Variants in PLEKHA6 observed in about 807,000 individuals in gnomAD.
PLEKHA6 encodes the protein pleckstrin homology domain containing A6.
In PLEKHA6, 60 loss-of-function variants were observed where a neutral mutation model predicts 116.7. The ratio of observed to expected loss-of-function variants is 0.51; its 90% CI spans 0.42 to 0.64. PLEKHA6 has a LOEUF of 0.64. Among genes scored for constraint, PLEKHA6 ranks in the 30% least tolerant of loss-of-function variants. The probability of loss-of-function intolerance (pLI) is 0.00; values close to 1 mark genes in which losing one functional copy is unlikely to be tolerated. For missense variants in PLEKHA6, 1,338 were observed against 1,422.7 expected, an observed-to-expected ratio of 0.94 and a Z score of 0.96; for synonymous variants, 489 against 556.1, an observed-to-expected ratio of 0.88 and a Z score of 1.70.
rs768382723 is a variant in PLEKHA6 at position 204,259,348 on chromosome 1, T to C, written c.917A>G (p.Asp306Gly). The C allele has an allele frequency of 2.5e-6, 4 of 1,614,106 alleles. No individual in the cohort carries two copies. The Admixed American group carries it at 6.7e-5, about 27-fold the overall frequency. ...RRSFPPRTNP[D>G]KIAQRKSSMN... is the part of the protein sequence containing the mutation. ...GGAGCTCTTGCGCTGGGCAATTTTGTCAGGGTTGGTGCGTGGTGGGAAACT... is the reference window on the plus strand; with the variant it reads ...GGAGCTCTTGCGCTGGGCAATTTTGCCAGGGTTGGTGCGTGGTGGGAAACT... Residue 306 changes from aspartate (D) to glycine (G), a missense_variant, in exon 8 of 23, where the codon GAC becomes GGC. Physicochemically the swap from Asp to Gly is moderately conservative, Grantham distance 94 (BLOSUM62 -1). Transcript: ENST00000272203. The surrounding 1 kb of genome is among the most constrained non-coding windows in gnomAD (Gnocchi z 4.6).
intron 2 of PLEKHA6, chr1:204,369,623 A>G (rs1673736422): frequency 6.6e-6 from 1 of 152,232 alleles, no homozygotes; most frequent in African/African-American, 2.4e-5. Flanking sequence ...GAGTGCTTAT[A>G]TTCCCATCCA....
intron 1 of PLEKHA6, among the ~76,000 whole-genome samples, chr1:204,339,065 C>T (rs1460954424): frequency 2.0e-5 from 3 of 152,174 alleles, no homozygotes; most frequent in Non-Finnish European, 2.9e-5. Context: ...ACTTGGGTCT[C>T]CTGGAACGCT....
rs201182114 is a variant in PLEKHA6, at chr1:204,259,567, G to A, written c.698C>T (p.Pro233Leu). 2.3e-5 allele frequency: 37 copies of A among 1,613,906 alleles called. No homozygotes were observed. Among genetic ancestry groups the A allele is most frequent in the Non-Finnish European group, 2.8e-5 (33 of 1,180,036 alleles). The part of the protein sequence containing the change: ...PERPEVKKEP[P>L]VKANGLPAGP... ...AGCTGGGAGGCCATTGGCTTTCACC[G>A]GAGGCTCTTTCTTGACTTCTGGCCT... The change falls in exon 8 of 23, where the codon CCG becomes CTG. Residue 233 changes from proline to leucine, a missense_variant. Pro to Leu is a moderately conservative substitution (Grantham distance 98). This residue lies in a region of PLEKHA6 where 1,136 missense variants were observed against 1,163.6 expected (regional missense o/e 0.98). Transcript: ENST00000272203. This position sits in a 1 kb window ranked among gnomAD's most constrained non-coding sequence, Gnocchi z 4.6.
chr1:204,320,155 C>T (rs1396502073), intron 1 of PLEKHA6, among the ~76,000 whole-genome samples: 1 of 152,214 alleles, frequency 6.6e-6, no homozygotes, highest in Admixed American at 6.5e-5. Flanking sequence ...GAACCAGCTG[C>T]CTCTTCCCTG....
intron 3 of PLEKHA6, among the ~76,000 whole-genome samples, chr1:204,367,629 C>T (rs895120436): frequency 6.6e-6 from 1 of 152,176 alleles, no homozygotes; most frequent in African/African-American, 2.4e-5. Flanking sequence ...CGCACTGATA[C>T]ATACGTTCCC....
At chr1:204,227,128 C>T (rs996466151) in intron 21 of PLEKHA6, among the ~76,000 whole-genome samples, 3 of 152,196 alleles carry the variant, frequency 2.0e-5, no homozygotes, top group African/African-American at 4.8e-5. Context: ...ATGTTCTGAG[C>T]CACGGTTCTA....
At chr1:204,298,956 A>T (rs1304393249) in intron 1 of PLEKHA6, among the ~76,000 whole-genome samples, 5 of 152,210 alleles carry the variant, frequency 3.3e-5, no homozygotes, top group African/African-American at 1.2e-4. Context: ...CTGCAATGAG[A>T]GAAGTGAATG....
Position 204,230,464 on chromosome 1 carries a change from C to A in PLEKHA6, c.2532G>T (p.Gln844His). Residue 844 changes from glutamine to histidine, a missense_variant, in exon 18 of 23, where the codon CAG becomes CAT. Physicochemically the swap from Gln to His is conservative, Grantham distance 24 (BLOSUM62 0). Transcript: ENST00000272203. ...GSMREKRRSL[Q>H]LPASPAPDPS... ...GGTCGGGGGCCGGGCTGGCCGGGAG[C>A]TGCAGGCTCCTCCGCTTCTCCCTCA... 1.9e-6 allele frequency: 3 copies of A among 1,581,476 alleles called. No individual in the cohort carries two copies. The highest frequency in any genetic ancestry group is 2.6e-6 in the Non-Finnish European group (3 of 1,163,552).
At chr1:204,312,311 C>G (rs754823520) in intron 1 of PLEKHA6, among the ~76,000 whole-genome samples, 2 of 152,230 alleles carry the variant, frequency 1.3e-5, no homozygotes, top group Non-Finnish European at 2.9e-5. Flanking sequence ...AAACGGCACA[C>G]AGCAATCCTA....
chr1:204,286,987 G>A (rs1167717943), intron 1 of PLEKHA6, among the ~76,000 whole-genome samples: 1 of 152,176 alleles, frequency 6.6e-6, no homozygotes, highest in Non-Finnish European at 1.5e-5. Flanking sequence ...AAGCACCACA[G>A]CTGAAAGCCA....
chr1:204,289,456 C>G (rs1439573303), intron 1 of PLEKHA6, among the ~76,000 whole-genome samples: 1 of 152,166 alleles, frequency 6.6e-6, no homozygotes. Context: ...ATCAGTAGCC[C>G]AGCCACTGTG....
At chr1:204,266,593 C>T (rs1238850095) in intron 5 of PLEKHA6, among the ~76,000 whole-genome samples, 6 of 152,170 alleles carry the variant, frequency 3.9e-5, no homozygotes, top group African/African-American at 4.8e-5. Context: ...TCCTGATTTC[C>T]CTCCTTGGGG....
rs533000931 is a variant in PLEKHA6, at chr1:204,306,999, T to A, written c.-94-32190A>T. 3.3e-5 allele frequency among the ~76,000 whole-genome samples: 5 copies of A among 152,308 alleles called. No individual in the cohort carries two copies. In the South Asian group the frequency reaches 1.0e-3, roughly 32 times the overall value. ...AGTCACCTTCTAGAAATTAGATATTTTCTTTAACTTTTTAATGAGAGACCC... is the reference window on the plus strand; with the variant it reads ...AGTCACCTTCTAGAAATTAGATATTATCTTTAACTTTTTAATGAGAGACCC... On this transcript the variant is annotated intron_variant, in intron 1 of 22. Transcript: ENST00000272203.
intron 13 of PLEKHA6, 147 bp from the exon 14 acceptor site, chr1:204,245,873 CACACAT>C (rs143351406): frequency 4.0e-5 from 17 of 429,732 alleles, no homozygotes; most frequent in African/African-American, 2.4e-4. Flanking sequence ...CACACACACA[CACACAT>C]GCCCCTCCAG....
At chr1:204,347,499 T>C (rs1173339266) in intron 1 of PLEKHA6, among the ~76,000 whole-genome samples, 2 of 150,840 alleles carry the variant, frequency 1.3e-5, no homozygotes, top group Non-Finnish European at 1.5e-5. Flanking sequence ...GGTCCTGAGG[T>C]GACATACATC....
intron 1 of PLEKHA6, among the ~76,000 whole-genome samples, chr1:204,312,506 C>A (rs1671690811): frequency 6.6e-6 from 1 of 152,232 alleles, no homozygotes; most frequent in Admixed American, 6.5e-5. Flanking sequence ...TGGCTCCAGG[C>A]CTTACTACAG....
At chr1:204,278,457 C>G (rs1668247139) in intron 1 of PLEKHA6, among the ~76,000 whole-genome samples, 2 of 152,334 alleles carry the variant, frequency 1.3e-5, no homozygotes, top group African/African-American at 4.8e-5. Flanking sequence ...ACATCACAGT[C>G]TGTTGCTATG....
At position 204,259,201 on chromosome 1, in the gene PLEKHA6, C is replaced by T. The variant is rs529081128; in HGVS notation, c.1007+57G>A. 7.9e-5 allele frequency: 123 copies of T among 1,563,508 alleles called. 1 individual carries two copies. In the South Asian group the frequency reaches 9.2e-4, roughly 12 times the overall value. On this transcript the variant is annotated intron_variant, in intron 8 of 22. Coordinates refer to ENST00000272203, the MANE Select transcript of PLEKHA6 (RefSeq NM_014935.5). The surrounding 1 kb of genome is among the most constrained non-coding windows in gnomAD (Gnocchi z 4.6). ...ATGCCTCGTGGGCTATGACCCCACT[C>T]GCACGCTCTAGCCATAATACCATAT...
chr1:204,338,146 A>C (rs1412566461), intron 1 of PLEKHA6, among the ~76,000 whole-genome samples: 1 of 152,216 alleles, frequency 6.6e-6, no homozygotes, highest in Non-Finnish European at 1.5e-5. Flanking sequence ...CGACTTTCTA[A>C]CTAGGTGACC....
Sources: gnomAD v4.1 joint callset for allele counts (sites outside exome capture counted in the v4.1 genomes callset) on GRCh38, gnomAD v4.1.1 for gene constraint, gnomAD v4.1.1 regional missense constraint, Gnocchi (gnomAD v3.1) non-coding constraint, MANE v1.5 for transcripts, NCBI Gene and HGNC (gene_info 2026-07-23, HGNC 2026-07-21) for gene names.